IRAG2: variants seen among roughly 807,000 people sequenced by gnomAD.
IRAG2 encodes lymphoid restricted membrane protein.
A neutral mutation model predicts 69.9 loss-of-function variants in IRAG2; 45 were observed. The observed-to-expected ratio is 0.64, with a 90% confidence interval of 0.51 to 0.83. The LOEUF is 0.83. IRAG2 is among the 40% of genes least tolerant of loss of function. The pLI is 0.00. For missense variants in IRAG2, 520 were observed against 587.0 expected (o/e 0.89, Z 1.18); for synonymous variants, 193 against 202.4 (o/e 0.95, Z 0.40).
At position 25,089,694 on chromosome 12, in the gene IRAG2, G is replaced by A. The variant is rs1315619244; in HGVS notation, c.437+17G>A. Reference sequence around the variant, plus strand: ...AAGTGAGAAGTAAGTGCTTCTTCATGTAGCATGTTAACATGTTTTATTTTT... The same window carrying A: ...AAGTGAGAAGTAAGTGCTTCTTCATATAGCATGTTAACATGTTTTATTTTT... On this transcript the variant is annotated intron_variant, in intron 12 of 21. Coordinates refer to ENST00000556887, the MANE Select transcript of IRAG2 (RefSeq NM_001366544.2). The A allele has an allele frequency of 6.2e-7, 1 of 1,609,370 alleles. No individual in the cohort carries two copies. Among genetic ancestry groups the A allele is most frequent in the South Asian group, 1.1e-5 (1 of 90,886 alleles).
chr12:25,052,387 T>C, upstream of IRAG2: 1 of 397,266 alleles, frequency 2.5e-6, no homozygotes, highest in Non-Finnish European at 4.4e-6. Flanking sequence ...TCAGGGGACA[T>C]CTCCTCAGAT....
intron 11 of IRAG2, among the ~76,000 whole-genome samples, chr12:25,088,694 A>G (rs531164283): frequency 2.9e-4 from 44 of 152,342 alleles, no homozygotes; most frequent in Admixed American, 1.3e-3. Context: ...AATATATTCT[A>G]TGCTGAGAAC....
intron 6 of IRAG2, among the ~76,000 whole-genome samples, chr12:25,072,501 C>T (rs993272036): frequency 2.3e-4 from 35 of 152,180 alleles, no homozygotes; most frequent in African/African-American, 8.2e-4. Context: ...ATTTTATACT[C>T]ACATTATCTC....
intron 6 of IRAG2, among the ~76,000 whole-genome samples, chr12:25,017,577 G>A (rs1373074091): frequency 1.3e-5 from 2 of 152,064 alleles, no homozygotes; most frequent in African/African-American, 4.8e-5. Flanking sequence ...CATTAGCTGG[G>A]CATGGTGGCA....
intron 4 of IRAG2, among the ~76,000 whole-genome samples, chr12:25,065,177 C>T (rs960371283): frequency 1.3e-5 from 2 of 151,942 alleles, no homozygotes; most frequent in African/African-American, 2.4e-5. Context: ...TCATTTAATC[C>T]TCAACACATC....
chr12:25,075,536 GTGTGTGTGTGTGTGTGTGTGTA>G (rs985300620), intron 6 of IRAG2, among the ~76,000 whole-genome samples: 5 of 145,186 alleles, frequency 3.4e-5, no homozygotes, highest in Non-Finnish European at 6.1e-5. Flanking sequence ...GTGTGTGTGT[GTGTGTGTGTGTGTGTGTGTGTA>G]TGTGTGTCTC....
intron 3 of IRAG2, among the ~76,000 whole-genome samples, chr12:25,013,738 A>C (rs1168322646): frequency 7.0e-6 from 1 of 142,738 alleles, no homozygotes; most frequent in East Asian, 1.9e-4. Context: ...TAAATAGGTC[A>C]TAGATCTATT....
At chr12:25,005,503 G>C in intron 2 of IRAG2, 1 of 399,996 alleles carries the variant, frequency 2.5e-6, no homozygotes, top group East Asian at 3.6e-5. Flanking sequence ...TGGGAATAAG[G>C]TTTGCTCTGT....
At chr12:25,012,143 CCTTT>C (rs1424300468) in intron 3 of IRAG2, among the ~76,000 whole-genome samples, 7 of 24,096 alleles carry the variant, frequency 2.9e-4, no homozygotes, top group Non-Finnish European at 9.6e-4. Context: ...AAGCGAATTC[CCTTT>C]TTTTTTTTTT....
At position 25,004,438 on chromosome 12, in the gene IRAG2, A is replaced by C. The variant is rs1240889464; in HGVS notation, c.97A>C (p.Asn33His). 5 of 1,232,040 alleles carry C rather than the reference A, an allele frequency of 4.1e-6. No homozygotes were observed. The African/African-American group carries it at 7.8e-5, about 19-fold the overall frequency. 76.3% of individuals were successfully genotyped at this position (1,232,040 alleles called of 1,614,324 possible). Residue 33 changes from asparagine (N) to histidine (H), a missense_variant, in exon 1 of 39, where the codon AAT (asparagine) becomes CAT (histidine). Transcript: ENST00000636465. Reference sequence around the variant, plus strand: ...CATCCACAAGAGAGAAGCAATTTCAAATCCAATTCAGCAGATTATCAAATA... The same window carrying C: ...CATCCACAAGAGAGAAGCAATTTCACATCCAATTCAGCAGATTATCAAATA...
At chr12:25,093,948 T>C (rs1948248347) in intron 14 of IRAG2, 1 of 152,288 alleles carries the variant, frequency 6.6e-6, no homozygotes, top group East Asian at 1.9e-4. Context: ...GGATTTTTAA[T>C]TGTTGAGTTG....
intron 14 of IRAG2, chr12:25,093,630 A>C (rs946548596): frequency 6.5e-6 from 1 of 153,516 alleles, no homozygotes; most frequent in Non-Finnish European, 1.5e-5. Flanking sequence ...GAAGTGGTAG[A>C]TAATCCACAA....
chr12:25,017,084 G>A (rs699041), intron 5 of IRAG2: 25 of 1,214,230 alleles, frequency 2.1e-5, no homozygotes, highest in Non-Finnish European at 2.6e-5. Context: ...TATTTTATTA[G>A]AAGGAATTAG....
chr12:25,056,860 GA>G (rs779187876), intron 1 of IRAG2, among the ~76,000 whole-genome samples: 5 of 152,140 alleles, frequency 3.3e-5, no homozygotes, highest in African/African-American at 4.8e-5. Flanking sequence ...TTTATTTTGA[GA>G]AAATTAAAAT....
At chr12:25,023,522 A>C (rs779634631) in intron 7 of IRAG2, among the ~76,000 whole-genome samples, 5 of 152,138 alleles carry the variant, frequency 3.3e-5, no homozygotes, top group Non-Finnish European at 5.9e-5. Context: ...AGAACTCTAG[A>C]GCTCTGTGAT....
At chr12:25,055,676 A>G (rs1028083959) in intron 1 of IRAG2, among the ~76,000 whole-genome samples, 7 of 152,102 alleles carry the variant, frequency 4.6e-5, no homozygotes, top group African/African-American at 1.4e-4. Context: ...TCATTGTTCA[A>G]TTCCCACCTG....
chr12:25,077,036 C>T (rs1369009911), intron 6 of IRAG2, among the ~76,000 whole-genome samples: 1 of 150,784 alleles, frequency 6.6e-6, no homozygotes, highest in Non-Finnish European at 1.5e-5. Context: ...CCACTGTGCC[C>T]TGCTCATTTT....
At chr12:25,089,557 T>A (rs999915987) in intron 11 of IRAG2, 57 bp from the exon 12 acceptor site, 2 of 1,002,780 alleles carry the variant, frequency 2.0e-6, no homozygotes, top group Non-Finnish European at 3.0e-6. Flanking sequence ...TTAGATCAAA[T>A]GTGCTTTTAC....
At chr12:25,056,173 C>A (rs1945244643) in intron 1 of IRAG2, among the ~76,000 whole-genome samples, 1 of 152,120 alleles carries the variant, frequency 6.6e-6, no homozygotes. Context: ...AGAGGTAAAA[C>A]CCTTAGGGCT....
Sources: gnomAD v4.1 joint callset for allele counts (sites outside exome capture counted in the v4.1 genomes callset) on GRCh38, gnomAD v4.1.1 for gene constraint, MANE v1.5 for transcripts, NCBI Gene and HGNC (gene_info 2026-07-23, HGNC 2026-07-21) for gene names.